RBFOX3: variants seen among roughly 807,000 people sequenced by gnomAD.
RBFOX3 encodes RNA binding fox-1 homolog 3.
RBFOX3 carries 17 observed loss-of-function variants against 48.7 expected under a neutral mutation model. The observed-to-expected ratio is 0.35, with a 90% CI of 0.24 to 0.52. The LOEUF (loss-of-function observed/expected upper bound fraction) is 0.52. RBFOX3 is among the 20% of genes least tolerant of loss of function. The pLI is 0.94. For missense variants in RBFOX3, 382 were observed against 497.5 expected, an observed-to-expected ratio of 0.77 and a Z score of 2.21; for synonymous variants, 212 against 209.5, an observed-to-expected ratio of 1.01 and a Z score of -0.10.
intron 4 of RBFOX3, among the ~76,000 whole-genome samples, chr17:79,213,366 C>CT (rs2058624266): frequency 6.6e-6 from 1 of 152,200 alleles, no homozygotes; most frequent in African/African-American, 2.4e-5. Flanking sequence ...ACAAGGGAAG[C>CT]TGTGTCTTCA....
chr17:79,619,377 C>T, the RBFOX3 span, among the ~76,000 whole-genome samples: 1 of 152,308 alleles, frequency 6.6e-6, no homozygotes, highest in East Asian at 1.9e-4. Context: ...TCTCAAAAGG[C>T]TCCAGGGGGA....
chr17:79,326,017 G>T (rs1201640720), intron 2 of RBFOX3, among the ~76,000 whole-genome samples: 1 of 152,218 alleles, frequency 6.6e-6, no homozygotes, highest in Non-Finnish European at 1.5e-5. Flanking sequence ...ATAACTCACT[G>T]CCCTCTTCAG....
intron 2 of RBFOX3, among the ~76,000 whole-genome samples, chr17:79,335,683 C>A (rs2081082827): frequency 6.6e-6 from 1 of 152,224 alleles, no homozygotes; most frequent in Admixed American, 6.5e-5. Context: ...TACAACCACG[C>A]TGGGTCTGGC....
chr17:79,202,386 C>A (rs940975243), intron 4 of RBFOX3, among the ~76,000 whole-genome samples: 13 of 152,256 alleles, frequency 8.5e-5, no homozygotes, highest in Admixed American at 8.5e-4. Flanking sequence ...CTGAAAGCCC[C>A]CTCTGTGCTC....
At chr17:79,187,224 G>T (rs148402363) in intron 4 of RBFOX3, among the ~76,000 whole-genome samples, 1 of 152,322 alleles carries the variant, frequency 6.6e-6, no homozygotes, top group Non-Finnish European at 1.5e-5. Context: ...GTGGCAAGTG[G>T]CAAATCATAG....
chr17:79,425,313 C>T (rs536520268), intron 2 of RBFOX3, among the ~76,000 whole-genome samples: 1 of 152,186 alleles, frequency 6.6e-6, no homozygotes, highest in Non-Finnish European at 1.5e-5. Context: ...GTCCCCTCCG[C>T]AGTAACCCTC....
intron 2 of RBFOX3, among the ~76,000 whole-genome samples, chr17:79,416,550 AG>A (rs1465964689): frequency 6.6e-6 from 1 of 152,234 alleles, no homozygotes; most frequent in Non-Finnish European, 1.5e-5. Context: ...TGGCGTGACC[AG>A]AGAGAGCGAA....
chr17:79,432,159 C>G (rs2068577078), intron 2 of RBFOX3, among the ~76,000 whole-genome samples: 2 of 152,242 alleles, frequency 1.3e-5, no homozygotes, highest in Non-Finnish European at 2.9e-5. Context: ...GTAATATTCT[C>G]TGGCATGGAC....
At chr17:79,398,092 CAG>C (rs949860311) in intron 2 of RBFOX3, among the ~76,000 whole-genome samples, 2 of 152,116 alleles carry the variant, frequency 1.3e-5, no homozygotes, top group African/African-American at 4.8e-5. Context: ...GTCGGGGCCC[CAG>C]AGTCAGGGCT....
intron 3 of RBFOX3, among the ~76,000 whole-genome samples, chr17:79,261,988 G>A (rs536466236): frequency 5.9e-5 from 9 of 152,336 alleles, no homozygotes; most frequent in African/African-American, 1.9e-4. Context: ...TGGGCATCGG[G>A]ATCCTTCACA....
At chr17:79,326,800 GA>G (rs2079400876) in intron 2 of RBFOX3, among the ~76,000 whole-genome samples, 1 of 152,210 alleles carries the variant, frequency 6.6e-6, no homozygotes, top group Non-Finnish European at 1.5e-5. Context: ...CAGCCCTCTA[GA>G]AAAGACAGCT....
At chr17:79,160,115 G>A (rs1052841811) in intron 4 of RBFOX3, among the ~76,000 whole-genome samples, 8 of 152,244 alleles carry the variant, frequency 5.3e-5, no homozygotes, top group Non-Finnish European at 7.3e-5. Context: ...CTCCGGCCCC[G>A]GGGGATTCTC....
intron 4 of RBFOX3, among the ~76,000 whole-genome samples, chr17:79,180,269 T>C (rs2045660): frequency 0.42 from 63,695 of 152,098 alleles, 13,654 homozygotes; most frequent in East Asian, 0.6. Context: ...AAAAGGCTCA[T>C]GCTTCAGTAG....
intron 2 of RBFOX3, among the ~76,000 whole-genome samples, chr17:79,468,322 G>A (rs1167070899): frequency 1.3e-5 from 2 of 152,186 alleles, no homozygotes; most frequent in African/African-American, 4.8e-5. Flanking sequence ...ATAGGCAGAT[G>A]GATATAGAGA....
At chr17:79,328,836 G>A (rs2079756026) in intron 2 of RBFOX3, among the ~76,000 whole-genome samples, 1 of 152,210 alleles carries the variant, frequency 6.6e-6, no homozygotes, top group Non-Finnish European at 1.5e-5. Context: ...AAGCAGCGCA[G>A]GGTTAGCCGT....
At chr17:79,463,153 CACCATCGCCACT>C (rs1304126477) in intron 2 of RBFOX3, among the ~76,000 whole-genome samples, 11 of 148,374 alleles carry the variant, frequency 7.4e-5, no homozygotes, top group African/African-American at 2.8e-4. Flanking sequence ...CCACCTCCAC[CACCATCGCCACT>C]GCCACCTCCA....
At position 79,317,272 on chromosome 17, in the gene RBFOX3, C is replaced by A. The variant is rs189239536; in HGVS notation, c.-174-9448G>T. On this transcript the variant is annotated intron_variant, in intron 2 of 14. Coordinates refer to ENST00000693108, the MANE Select transcript of RBFOX3 (RefSeq NM_001350451.2). ...CTGCACTCTTTCCACCAAACCAGAC[C>A]CAATACATCAAATTTTAGATGTTTC... Among the ~76,000 whole-genome samples the A allele has an allele frequency of 8.5e-5, 13 of 152,348 alleles. No homozygotes were observed. The East Asian group carries it at 2.3e-3, about 27-fold the overall frequency.
At chr17:79,468,200 C>T (rs2149347067) in intron 2 of RBFOX3, among the ~76,000 whole-genome samples, 1 of 152,240 alleles carries the variant, frequency 6.6e-6, no homozygotes, top group Non-Finnish European at 1.5e-5. Context: ...AAATCAACTT[C>T]ACAATAATGA....
chr17:79,484,490 A>AG lies in RBFOX3; in HGVS notation c.-319-1893dup, dbSNP rs536881616. 2.0e-3 allele frequency among the ~76,000 whole-genome samples: 116 copies of AG among 59,322 alleles called. 2 individuals are homozygous for AG. The highest frequency in any genetic ancestry group is 0.012 in the East Asian group (15 of 1,228). The allele number at this position is 59,322 out of a possible 152,430, so 38.9% of individuals were successfully genotyped here. A position where few individuals can be genotyped will look rare whatever the true frequency, so the allele number is the denominator to read the frequency against. ...GCCTGGGTGCAGGGGGCCTGGGTGC[A>AG]GGGGCCTGGGTGCAGGGGGCCTGGG... On this transcript the variant is annotated intron_variant, in intron 1 of 14. Coordinates refer to ENST00000693108, the MANE Select transcript of RBFOX3 (RefSeq NM_001350451.2).
Sources: allele counts gnomAD v4.1 joint callset (sites outside exome capture counted in the v4.1 genomes callset), GRCh38; gene constraint gnomAD v4.1.1; transcripts MANE v1.5; gene names NCBI Gene and HGNC (gene_info 2026-07-23, HGNC 2026-07-21).